Variants in MAP3K5 observed in about 807,000 individuals in gnomAD.
MAP3K5 encodes the protein mitogen-activated protein kinase kinase kinase 5, also known as ASK-1.
Under a neutral mutation model 158.7 loss-of-function variants are expected in MAP3K5, and 56 were observed. The ratio of observed to expected loss-of-function variants is 0.35; its 90% CI spans 0.28 to 0.44. The LOEUF (loss-of-function observed/expected upper bound fraction) is 0.44. MAP3K5 is among the 20% of genes least tolerant of loss of function. The probability of loss-of-function intolerance (pLI) is 1.00; values close to 1 mark genes in which losing one functional copy is unlikely to be tolerated. For missense variants in MAP3K5, 1,294 were observed against 1,674.8 expected (o/e 0.77, Z 3.97); for synonymous variants, 579 against 601.7 (o/e 0.96, Z 0.55).
chr6:136,674,148 A>T lies in MAP3K5; in HGVS notation c.1254-4753T>A, dbSNP rs141152283. ...AAAGAAAAAAAAAAGTCTAAAAAAG[A>T]TATTTTCAGACAAAAACTGGGAACT... On this transcript the variant is annotated intron_variant, in intron 7 of 29. Coordinates refer to ENST00000359015, the MANE Select transcript of MAP3K5 (RefSeq NM_005923.4). Among the ~76,000 whole-genome samples the T allele has an allele frequency of 9.8e-3, 1,493 of 152,128 alleles. 12 individuals are homozygous for T. The highest frequency in any genetic ancestry group is 0.014 in the Non-Finnish European group (982 of 67,944).
intron 1 of MAP3K5, among the ~76,000 whole-genome samples, chr6:136,758,392 G>C (rs1195894694): frequency 2.0e-5 from 3 of 152,166 alleles, no homozygotes; most frequent in Non-Finnish European, 4.4e-5. Flanking sequence ...GATGAAAACT[G>C]AACGAAAATG....
intron 1 of MAP3K5, among the ~76,000 whole-genome samples, chr6:136,724,614 G>T (rs1781886968): frequency 6.6e-6 from 1 of 152,072 alleles, no homozygotes; most frequent in Non-Finnish European, 1.5e-5. Context: ...ATCTAAACAG[G>T]AACAGATCCA....
Position 136,557,759 on chromosome 6 carries a change from C to T in MAP3K5, c.4124G>A (p.Ter1375=), listed in dbSNP as rs760748312. The T allele has an allele frequency of 2.5e-6, 4 of 1,608,708 alleles. No homozygotes were observed. The highest frequency in any genetic ancestry group is 3.4e-6 in the Non-Finnish European group (4 of 1,175,212). The change falls in exon 30 of 30, where the codon TGA becomes TAA. Residue 1375 remains the stop codon, a stop_retained_variant. Coordinates refer to ENST00000359015, the MANE Select transcript of MAP3K5 (RefSeq NM_005923.4). ...AIIDFRNKQT[*] Reference sequence around the variant, plus strand: ...ATCGAAGATTAGATTGAGCAACAGTCAAGTCTGTTTGTTTCGAAAGTCAAT... The same window carrying T: ...ATCGAAGATTAGATTGAGCAACAGTTAAGTCTGTTTGTTTCGAAAGTCAAT...
intron 20 of MAP3K5, among the ~76,000 whole-genome samples, 196 bp from the exon 21 acceptor site, chr6:136,601,238 G>C (rs373616546): frequency 3.3e-5 from 5 of 152,016 alleles, no homozygotes; most frequent in East Asian, 3.8e-4. Context: ...CTGAGTTATA[G>C]ACAATTATTG....
At chr6:136,566,047 G>C (rs1464770596) in intron 26 of MAP3K5, among the ~76,000 whole-genome samples, 1 of 152,184 alleles carries the variant, frequency 6.6e-6, no homozygotes, top group Non-Finnish European at 1.5e-5. Context: ...CTAGAACCAA[G>C]AGACACTCAG....
intron 1 of MAP3K5, among the ~76,000 whole-genome samples, chr6:136,729,616 A>G (rs1390444198): frequency 6.6e-6 from 1 of 152,274 alleles, no homozygotes; most frequent in Non-Finnish European, 1.5e-5. Flanking sequence ...AGGCAAACTT[A>G]TGAAAACATA....
At chr6:136,591,438 T>C (rs904673432) in intron 23 of MAP3K5, among the ~76,000 whole-genome samples, 1 of 152,234 alleles carries the variant, frequency 6.6e-6, no homozygotes, top group African/African-American at 2.4e-5. Context: ...ACTGGGTAGA[T>C]AGTTATCTTG....
intron 1 of MAP3K5, among the ~76,000 whole-genome samples, chr6:136,772,707 G>A (rs1239126402): frequency 1.3e-5 from 2 of 152,154 alleles, no homozygotes; most frequent in Non-Finnish European, 2.9e-5. Context: ...AAGTAAGGTG[G>A]CAAACTGAGC....
chr6:136,574,954 G>C (rs965708926), intron 25 of MAP3K5, among the ~76,000 whole-genome samples: 3 of 151,974 alleles, frequency 2.0e-5, no homozygotes, highest in African/African-American at 7.2e-5. Flanking sequence ...CTCCCAAAGT[G>C]CTGGGATTAT....
chr6:136,706,650 G>A (rs1562631201), intron 2 of MAP3K5, among the ~76,000 whole-genome samples: 1 of 152,132 alleles, frequency 6.6e-6, no homozygotes, highest in Non-Finnish European at 1.5e-5. Flanking sequence ...AGTGTGGCCA[G>A]GCGAGGCCCG....
chr6:136,639,501 A>G, intron 13 of MAP3K5, 42 bp downstream of exon 13: 1 of 1,062,260 alleles, frequency 9.4e-7, no homozygotes, highest in Non-Finnish European at 1.4e-6. Flanking sequence ...AATAATGATC[A>G]GGTAAGAAGA....
chr6:136,569,381 C>T (rs1774265367), intron 25 of MAP3K5, among the ~76,000 whole-genome samples: 1 of 152,200 alleles, frequency 6.6e-6, no homozygotes, highest in Non-Finnish European at 1.5e-5. Flanking sequence ...CATCTATTCT[C>T]TCTGTAGCTT....
intron 8 of MAP3K5, among the ~76,000 whole-genome samples, chr6:136,661,727 G>C (rs1025540546): frequency 4.6e-5 from 7 of 151,986 alleles, no homozygotes; most frequent in African/African-American, 1.7e-4. Context: ...TTTTTTTGTA[G>C]AGACGGTCTC....
At chr6:136,698,740 G>A in intron 3 of MAP3K5, 58 bp from the exon 4 acceptor site, 3 of 1,150,268 alleles carry the variant, frequency 2.6e-6, no homozygotes, top group Non-Finnish European at 2.5e-6. Flanking sequence ...CGGCACAGAT[G>A]GAATCCCACG....
At chr6:136,639,855 C>A (rs1777837667) in intron 12 of MAP3K5, among the ~76,000 whole-genome samples, 1 of 152,178 alleles carries the variant, frequency 6.6e-6, no homozygotes, top group South Asian at 2.1e-4. Context: ...CTCTGCAGAG[C>A]AGGGCTGCTC....
chr6:136,581,584 C>T (rs1406729268), intron 24 of MAP3K5, among the ~76,000 whole-genome samples: 1 of 152,178 alleles, frequency 6.6e-6, no homozygotes, highest in Admixed American at 6.5e-5. Flanking sequence ...GTGACCCAGC[C>T]ACAAACCCAT....
chr6:136,663,531 T>C (rs1228374027), intron 8 of MAP3K5, among the ~76,000 whole-genome samples: 3 of 129,754 alleles, frequency 2.3e-5, no homozygotes, highest in Non-Finnish European at 5.4e-5. Flanking sequence ...ATGTCTCTTA[T>C]AGTTTTTTTT....
intron 1 of MAP3K5, among the ~76,000 whole-genome samples, chr6:136,740,634 A>G (rs1782671532): frequency 6.6e-6 from 1 of 152,200 alleles, no homozygotes; most frequent in Non-Finnish European, 1.5e-5. Flanking sequence ...AGAAAGATTT[A>G]AAAAAAGAAG....
chr6:136,760,385 C>T (rs781311521), intron 1 of MAP3K5, among the ~76,000 whole-genome samples: 2 of 152,068 alleles, frequency 1.3e-5, no homozygotes, highest in African/African-American at 2.4e-5. Context: ...CTCTTTGGGC[C>T]ATAACAACTA....
Sources: gnomAD v4.1 joint callset for allele counts (sites outside exome capture counted in the v4.1 genomes callset) on GRCh38, gnomAD v4.1.1 for gene constraint, MANE v1.5 for transcripts, NCBI Gene and HGNC (gene_info 2026-07-23, HGNC 2026-07-21) for gene names.